OSBPL10: variants seen among roughly 807,000 people sequenced by gnomAD.
OSBPL10 encodes the protein oxysterol-binding protein-related protein 10.
Under a neutral mutation model 81.7 loss-of-function variants are expected in OSBPL10, and 49 were observed. The observed-to-expected ratio is 0.60, with a 90% CI of 0.48 to 0.76. The LOEUF is 0.76. OSBPL10 is among the 30% of genes least tolerant of loss of function. The pLI is 0.00. For missense variants in OSBPL10, 923 were observed against 987.8 expected, an observed-to-expected ratio of 0.93 and a Z score of 0.88; for synonymous variants, 419 against 383.6, an observed-to-expected ratio of 1.09 and a Z score of -1.08.
chr3:31,959,367 C>T (rs1190829639), intron 1 of OSBPL10, among the ~76,000 whole-genome samples: 1 of 152,114 alleles, frequency 6.6e-6, no homozygotes, highest in Non-Finnish European at 1.5e-5. Context: ...AAAATAAAAG[C>T]AACTTTGTCT....
At chr3:31,925,271 G>A (rs1023762178) in intron 1 of OSBPL10, among the ~76,000 whole-genome samples, 6 of 151,904 alleles carry the variant, frequency 3.9e-5, no homozygotes, top group African/African-American at 1.2e-4. Flanking sequence ...TCCAGGACAA[G>A]TTCCACTTTC....
intron 10 of OSBPL10, chr3:31,664,625 G>A (rs1467318329): frequency 4.1e-6 from 1 of 243,800 alleles, no homozygotes; most frequent in Non-Finnish European, 8.0e-6. Context: ...ATATATTATA[G>A]ACGGTAGATT....
chr3:32,057,577 G>A (rs562394589), intron 1 of OSBPL10, among the ~76,000 whole-genome samples: 7 of 152,292 alleles, frequency 4.6e-5, no homozygotes, highest in Admixed American at 1.3e-4. Context: ...AGTGCCAAGC[G>A]AAGTGGGAAG....
intron 3 of OSBPL10, among the ~76,000 whole-genome samples, chr3:31,861,895 C>T (rs565946409): frequency 6.6e-6 from 1 of 152,246 alleles, no homozygotes; most frequent in Non-Finnish European, 1.5e-5. Flanking sequence ...AGAGGGGCAG[C>T]TGGAAGCCTG....
intron 1 of OSBPL10, among the ~76,000 whole-genome samples, chr3:31,908,189 A>T (rs1696469969): frequency 6.6e-6 from 1 of 152,132 alleles, no homozygotes; most frequent in Non-Finnish European, 1.5e-5. Context: ...ATGGGAGATG[A>T]AGGGAACCAG....
intron 4 of OSBPL10, among the ~76,000 whole-genome samples, chr3:31,791,367 G>A (rs928396734): frequency 3.9e-5 from 6 of 152,134 alleles, no homozygotes; most frequent in Admixed American, 2.0e-4. Context: ...TATTTAGAAC[G>A]TAACTGAAAG....
intron 2 of OSBPL10, among the ~76,000 whole-genome samples, chr3:32,033,300 C>A (rs559707222): frequency 6.6e-6 from 1 of 152,028 alleles, no homozygotes; most frequent in East Asian, 1.9e-4. Flanking sequence ...TTTTTTAGTA[C>A]CTAGAATTAA....
intron 1 of OSBPL10, among the ~76,000 whole-genome samples, chr3:31,973,812 G>A (rs566400954): frequency 3.3e-5 from 5 of 152,290 alleles, no homozygotes; most frequent in Admixed American, 1.3e-4. Context: ...ATGGATACAC[G>A]AGCAATTCTA....
intron 2 of OSBPL10, among the ~76,000 whole-genome samples, chr3:32,040,276 A>T (rs1269913073): frequency 1.3e-5 from 2 of 152,086 alleles, no homozygotes; most frequent in African/African-American, 4.8e-5. Flanking sequence ...GTGTGGTGGC[A>T]TGTGCCTGTA....
At chr3:31,699,657 T>C (rs1695834504) in intron 7 of OSBPL10, among the ~76,000 whole-genome samples, 1 of 152,218 alleles carries the variant, frequency 6.6e-6, no homozygotes, top group Non-Finnish European at 1.5e-5. Flanking sequence ...GGAGCCCTTC[T>C]GAGCATGGGG....
At chr3:31,930,001 ACC>A (rs1188687131) in intron 1 of OSBPL10, among the ~76,000 whole-genome samples, 14,474 of 104,588 alleles carry the variant, frequency 0.14, 1,367 homozygotes, top group South Asian at 0.26. Context: ...CCTGTCACCA[ACC>A]AAAAAAAAAA....
chr3:31,703,771 T>C (rs1695972475), intron 6 of OSBPL10: 1 of 152,188 alleles, frequency 6.6e-6, no homozygotes, highest in Admixed American at 6.5e-5. Flanking sequence ...ACCCCAATTC[T>C]AAAGAGATGG....
intron 7 of OSBPL10, among the ~76,000 whole-genome samples, chr3:31,688,279 TCTCTCACACACACACACACACA>T (rs1243401229): frequency 5.1e-5 from 4 of 77,780 alleles, no homozygotes; most frequent in African/African-American, 6.7e-5. Context: ...TCTCTCTCTC[TCTCTCACACACACACACACACA>T]CACACACACA....
chr3:31,830,460 A>T (rs1259429564), intron 3 of OSBPL10, among the ~76,000 whole-genome samples: 2 of 152,008 alleles, frequency 1.3e-5, no homozygotes, highest in Non-Finnish European at 2.9e-5. Context: ...TTCCTGTCCT[A>T]CGCTATGGCC....
chr3:31,866,041 A>G (rs762388052), intron 3 of OSBPL10, among the ~76,000 whole-genome samples: 4 of 152,146 alleles, frequency 2.6e-5, no homozygotes, highest in African/African-American at 9.7e-5. Context: ...TCCTAACCAA[A>G]ATATCAAAGC....
chr3:31,870,325 G>A (rs1005962783), intron 3 of OSBPL10, among the ~76,000 whole-genome samples: 5 of 152,360 alleles, frequency 3.3e-5, no homozygotes, highest in Middle Eastern at 6.8e-3. Context: ...CGCTGCCCTC[G>A]ATTTCTCACT....
rs948041828 is a variant in OSBPL10 at position 31,698,444 on chromosome 3, C to A, written c.1245+3915G>T. 3.3e-5 allele frequency among the ~76,000 whole-genome samples: 5 copies of A among 151,696 alleles called. No individual in the cohort carries two copies. The Admixed American group carries it at 3.3e-4, about 10-fold the overall frequency. ...CCAGCCTGGGTGATAGAGCGAGACT[C>A]CATCTCAAAAATATAAAATAAAAAT... On this transcript the variant is annotated intron_variant, in intron 7 of 11. Coordinates refer to ENST00000396556, the MANE Select transcript of OSBPL10 (RefSeq NM_017784.5).
At chr3:32,033,787 G>A (rs1286287531) in intron 2 of OSBPL10, among the ~76,000 whole-genome samples, 1 of 152,204 alleles carries the variant, frequency 6.6e-6, no homozygotes, top group Non-Finnish European at 1.5e-5. Flanking sequence ...ATCAGGCCAG[G>A]TGCAGTGGCT....
chr3:31,856,719 C>T (rs1700920036), intron 3 of OSBPL10, among the ~76,000 whole-genome samples: 1 of 152,146 alleles, frequency 6.6e-6, no homozygotes. Flanking sequence ...TTTTATCAGG[C>T]TAGTGTATTG....
Sources: gnomAD v4.1 joint callset for allele counts (sites outside exome capture counted in the v4.1 genomes callset) on GRCh38, gnomAD v4.1.1 for gene constraint, MANE v1.5 for transcripts, NCBI Gene and HGNC (gene_info 2026-07-23, HGNC 2026-07-21) for gene names.